The following USP43 variants were observed in gnomAD, a reference collection of about 807,000 sequenced individuals.
USP43 encodes ubiquitin specific peptidase 43, also known as ubiquitin carboxyl-terminal hydrolase 43.
Under a neutral mutation model 90.7 loss-of-function variants are expected in USP43, and 33 were observed. That is an observed-to-expected ratio of 0.36 (90% confidence interval 0.28 to 0.49). The LOEUF is 0.49. USP43 is among the 20% of genes least tolerant of loss of function. USP43 has a pLI of 0.98. For missense variants in USP43, 1,274 were observed against 1,476.4 expected (o/e 0.86, Z 2.25); for synonymous variants, 598 against 615.8 (o/e 0.97, Z 0.43).
chr17:9,666,574 G>A, intron 2 of USP43, 74 bp from the exon 3 acceptor site: 1 of 1,254,696 alleles, frequency 8.0e-7, no homozygotes. Context: ...AGGAAGCATG[G>A]GCTCGGTGGT....
In USP43 at chr17:9,676,664, G is replaced by T. The variant is rs1264979447; in HGVS notation, c.834-82G>T. 4.6e-6 allele frequency: 7 copies of T among 1,509,386 alleles called. No homozygotes were observed. The Admixed American group carries it at 6.2e-5, about 13-fold the overall frequency. 93.5% of individuals were successfully genotyped at this position (1,509,386 alleles called of 1,614,324 possible). ...TAGGATTACAGGTGTGAGCCACTGCGCCTGGCCTTGATCCATTATCAACAA... is the reference window on the plus strand; with the variant it reads ...TAGGATTACAGGTGTGAGCCACTGCTCCTGGCCTTGATCCATTATCAACAA... On this transcript the variant is annotated intron_variant, in intron 4 of 14. Transcript: ENST00000285199.
intron 7 of USP43, among the ~76,000 whole-genome samples, chr17:9,683,294 C>T (rs1914411618): frequency 6.6e-6 from 1 of 151,980 alleles, no homozygotes; most frequent in Non-Finnish European, 1.5e-5. Context: ...GTTGTCTGTC[C>T]AGAAAACCAA....
intron 2 of USP43, among the ~76,000 whole-genome samples, chr17:9,662,342 C>T (rs1392690218): frequency 6.6e-6 from 1 of 152,198 alleles, no homozygotes; most frequent in Non-Finnish European, 1.5e-5. Flanking sequence ...AAGTGCCCTT[C>T]CCCTATTTGT....
intron 12 of USP43, among the ~76,000 whole-genome samples, chr17:9,703,013 T>C (rs407454): frequency 0.15 from 22,390 of 152,056 alleles, 1,973 homozygotes; most frequent in African/African-American, 0.24. Context: ...TGCCAGCCTG[T>C]TCTTCCACAG....
chr17:9,682,114 A>C (rs926556549), intron 6 of USP43, among the ~76,000 whole-genome samples: 21 of 152,314 alleles, frequency 1.4e-4, no homozygotes, highest in Non-Finnish European at 2.8e-4. Flanking sequence ...TCACTGGTAA[A>C]GATTCTCACC....
chr17:9,701,404 G>A lies in USP43; in HGVS notation c.1715G>A (p.Gly572Glu), dbSNP rs1468537851. Reference sequence around the variant, plus strand: ...CCTCACTGCCAAGTCCTGCAGCAGGGGATGGTGAAGCTGAGTTTGTGGACG... The same window carrying A: ...CCTCACTGCCAAGTCCTGCAGCAGGAGATGGTGAAGCTGAGTTTGTGGACG... Reference protein sequence around the residue: ...KCPHCQVLQQGMVKLSLWTLP... With the variant: ...KCPHCQVLQQEMVKLSLWTLP... Residue 572 changes from glycine to glutamate, a missense_variant, in exon 12 of 15, where the codon GGG becomes GAG. Physicochemically the swap from Gly to Glu is moderately conservative, Grantham distance 98 (BLOSUM62 -2). Coordinates refer to ENST00000285199, the MANE Select transcript of USP43 (RefSeq NM_153210.5). The surrounding 1 kb of genome is among the most constrained non-coding windows in gnomAD (Gnocchi z 7.2). 1.2e-6 allele frequency: 2 copies of A among 1,603,878 alleles called. No individual in the cohort carries two copies. The highest frequency in any genetic ancestry group is 1.7e-6 in the Non-Finnish European group (2 of 1,175,520).
intron 5 of USP43, among the ~76,000 whole-genome samples, chr17:9,677,084 C>T (rs1484063805): frequency 6.6e-6 from 1 of 152,172 alleles, no homozygotes; most frequent in Non-Finnish European, 1.5e-5. Flanking sequence ...CAGAAAAGAA[C>T]ACCTTTGCCT....
rs1567659823 is a variant in USP43 at position 9,680,228 on chromosome 17, C to G, written c.970-3C>G. ...AGAGGGAAAATGATCTTTCTCATTT[C>G]AGGTGATCTTGGTTGAACTGTATCC... On this transcript the variant is annotated splice_polypyrimidine_tract_variant and splice_region_variant and intron_variant, in intron 5 of 14. Coordinates refer to ENST00000285199, the MANE Select transcript of USP43 (RefSeq NM_153210.5). 6.2e-7 allele frequency: 1 copy of G among 1,612,198 alleles called. No individual in the cohort carries two copies. Among genetic ancestry groups the G allele is most frequent in the Non-Finnish European group, 8.5e-7 (1 of 1,179,250 alleles).
At chr17:9,676,076 C>A (rs936785113) in intron 4 of USP43, among the ~76,000 whole-genome samples, 3 of 152,150 alleles carry the variant, frequency 2.0e-5, no homozygotes, top group African/African-American at 7.2e-5. Flanking sequence ...AGGAGACTCT[C>A]ATTAAGGAGA....
At chr17:9,662,396 A>T (rs1305686911) in intron 2 of USP43, among the ~76,000 whole-genome samples, 1 of 152,186 alleles carries the variant, frequency 6.6e-6, no homozygotes, top group Non-Finnish European at 1.5e-5. Flanking sequence ...CAAACCCAGC[A>T]TGCCCATCCC....
At chr17:9,647,846 TCCAAA>T (rs1167278069) in intron 1 of USP43, among the ~76,000 whole-genome samples, 5 of 37,434 alleles carry the variant, frequency 1.3e-4, no homozygotes, top group African/African-American at 2.3e-4. Flanking sequence ...TTACTAAAAA[TCCAAA>T]AAAAAAAAAA....
Position 9,707,537 on chromosome 17 carries a change from C to T in USP43, c.2012-2419C>T, listed in dbSNP as rs192001054. On this transcript the variant is annotated intron_variant, in intron 12 of 14. Transcript: ENST00000285199. ...TGGCAGGCGCCTGTAGTCCCAACTA[C>T]TCGGGAGGCTGAGGCAGGAGAATGG... Among the ~76,000 whole-genome samples, 294 of 151,332 alleles carry T rather than the reference C, an allele frequency of 1.9e-3. 3 individuals are homozygous for T. The highest frequency in any genetic ancestry group is 6.5e-3 in the African/African-American group (267 of 41,166).
At chr17:9,656,205 A>C (rs762235938) in intron 1 of USP43, among the ~76,000 whole-genome samples, 198 bp from the exon 2 acceptor site, 6 of 151,916 alleles carry the variant, frequency 3.9e-5, no homozygotes, top group Non-Finnish European at 7.4e-5. Context: ...ATATACAGAG[A>C]CCCTCATACC....
Position 9,701,145 on chromosome 17 carries a change from G to T in USP43, c.1562G>T (p.Arg521Leu). Residue 521 changes from arginine to leucine, a missense_variant, in exon 11 of 15, where the codon CGA becomes CTA. This residue lies in a region of USP43 where 253 missense variants were observed against 276.0 expected (regional missense o/e 0.92). Coordinates refer to ENST00000285199, the MANE Select transcript of USP43 (RefSeq NM_153210.5). The surrounding 1 kb of genome is among the most constrained non-coding windows in gnomAD (Gnocchi z 7.2). ...ERLFGSLQEE[R>L]AQDADSVWQQ... ...CTGTTCGGGAGCCTCCAGGAGGAGC[G>T]AGCGCAGGATGCCGACAGTGTGTGG... is the stretch of plus-strand genomic sequence containing the variant. The T allele has an allele frequency of 6.7e-7, 1 of 1,494,886 alleles. No individual in the cohort carries two copies. Among genetic ancestry groups the T allele is most frequent in the South Asian group, 1.4e-5 (1 of 72,806 alleles). 92.6% of individuals were successfully genotyped at this position (1,494,886 alleles called of 1,614,324 possible).
intron 14 of USP43, among the ~76,000 whole-genome samples, chr17:9,716,166 A>G (rs777430464): frequency 3.9e-4 from 59 of 152,070 alleles, no homozygotes; most frequent in Non-Finnish European, 6.8e-4. Flanking sequence ...AGAAAGTGGT[A>G]ACATGTTCAA....
intron 14 of USP43, among the ~76,000 whole-genome samples, chr17:9,715,554 G>GTGTGTGTGTGTCTC (rs1395414316): frequency 8.1e-6 from 1 of 123,772 alleles, no homozygotes; most frequent in Non-Finnish European, 1.6e-5. Flanking sequence ...CTGTGTCTTT[G>GTGTGTGTGTGTCTC]TGTGTGTGTG....
At position 9,680,332 on chromosome 17, in the gene USP43, A is replaced by G; in HGVS notation, c.1071A>G (p.Gln357=). ...AGGGAGATAATGTGTATGCCTTTCA[A>G]GTTCCTCCCTCACCCAGCCAGGGGA... ...IAEGDNVYAF[Q]VPPSPSQGTL... The change falls in exon 6 of 15, where the codon CAA becomes CAG. Residue 357 remains glutamine (Q), a synonymous_variant. Coordinates refer to ENST00000285199, the MANE Select transcript of USP43 (RefSeq NM_153210.5). 6.2e-7 allele frequency: 1 copy of G among 1,613,932 alleles called. No homozygotes were observed. The highest frequency in any genetic ancestry group is 8.5e-7 in the Non-Finnish European group (1 of 1,179,862).
chr17:9,693,343 C>G lies in USP43; in HGVS notation c.1457+113C>G, dbSNP rs976098402. Reference sequence around the variant, plus strand: ...TCATAGTATTTGTTATTCTTGATCACTTACCTCTCCAGTACCAGCCGCTAT... The same window carrying G: ...TCATAGTATTTGTTATTCTTGATCAGTTACCTCTCCAGTACCAGCCGCTAT... On this transcript the variant is annotated intron_variant, in intron 9 of 14. Coordinates refer to ENST00000285199, the MANE Select transcript of USP43 (RefSeq NM_153210.5). 337 of 891,942 alleles carry G rather than the reference C, an allele frequency of 3.8e-4. 3 individuals carry two copies. The highest frequency in any genetic ancestry group is 2.9e-4 in the East Asian group (11 of 37,612). The allele number at this position is 891,942 out of a possible 1,614,324, so 55.3% of individuals were successfully genotyped here.
Position 9,647,848 on chromosome 17 carries a change from C to CAAAAA in USP43, c.504+1731_504+1735dup, listed in dbSNP as rs35223665. ...TGAAACCCCGTCTTTACTAAAAATC[C>CAAAAA]AAAAAAAAAAAAAAAAAAAAAAATT... On this transcript the variant is annotated intron_variant, in intron 1 of 14. Transcript: ENST00000285199. 1.3e-3 allele frequency among the ~76,000 whole-genome samples: 103 copies of CAAAAA among 82,052 alleles called. 4 individuals carry two copies. The highest frequency in any genetic ancestry group is 4.4e-3 in the African/African-American group (96 of 21,768). The allele number at this position is 82,052 out of a possible 152,430, so 53.8% of individuals were successfully genotyped here.
Sources: allele counts gnomAD v4.1 joint callset (sites outside exome capture counted in the v4.1 genomes callset), GRCh38; gene constraint gnomAD v4.1.1; regional missense constraint gnomAD v4.1.1; non-coding constraint Gnocchi (gnomAD v3.1); transcripts MANE v1.5; gene names NCBI Gene and HGNC (gene_info 2026-07-23, HGNC 2026-07-21).